Variants in PRPF40B observed in about 807,000 individuals in gnomAD.
PRPF40B encodes the protein pre-mRNA processing factor 40B.
PRPF40B carries 56 observed loss-of-function variants against 124.5 expected under a neutral mutation model. The observed-to-expected ratio is 0.45, with a 90% CI of 0.36 to 0.56. The LOEUF is 0.56. Among genes scored for constraint, PRPF40B ranks in the 20% least tolerant of loss-of-function variants. The pLI is 0.00. For synonymous variants in PRPF40B, 443 were observed against 426.4 expected (o/e 1.04, Z -0.48); for missense variants, 1,053 against 1,169.5 (o/e 0.90, Z 1.45).
At chr12:49,636,898 A>G (rs774865121) in intron 16 of PRPF40B, 49 bp downstream of exon 16, 2 of 1,610,612 alleles carry the variant, frequency 1.2e-6, no homozygotes, top group South Asian at 2.2e-5. Context: ...GCCCTAGAGC[A>G]CAACCTCTTC....
At position 49,642,311 on chromosome 12, in the gene PRPF40B, C is replaced by A; in HGVS notation, c.1961C>A (p.Ala654Asp). The A allele has an allele frequency of 1.2e-6, 2 of 1,614,188 alleles. No homozygotes were observed. The highest frequency in any genetic ancestry group is 2.2e-5 in the South Asian group (2 of 91,086). ...EARRMRRREA[A>D]FRSMLRQAVP... ...CGCAGGATGCGGCGCAGGGAAGCTG[C>A]CTTTCGAAGCATGCTGAGGCAGGCT... The change falls in exon 20 of 26, where the codon GCC (alanine) becomes GAC (aspartate). Residue 654 changes from alanine (A) to aspartate (D), a missense_variant. This residue lies in a region of PRPF40B where 895 missense variants were observed against 1,052.2 expected (regional missense o/e 0.85). Coordinates refer to ENST00000548825, the MANE Select transcript of PRPF40B (RefSeq NM_001031698.3). This position sits in a 1 kb window ranked among gnomAD's most constrained non-coding sequence, Gnocchi z 5.8.
Position 49,643,747 on chromosome 12 carries a change from A to G in PRPF40B, c.2437A>G (p.Lys813Glu), listed in dbSNP as rs1565855983. ...PKKKTKKRRH[K>E]SNSPESETDP... ...AAAGAAAACTAAGAAGAGAAGACAC[A>G]AGTCGGTGAGTGAAGGAACTTCTAC... Residue 813 changes from lysine (K) to glutamate (E), a missense_variant, in exon 24 of 26, where the codon AAG becomes GAG. Around this residue, in one of 2 missense-constraint regions of PRPF40B, gnomAD observed 895 missense variants for 1,052.2 expected, o/e 0.85. Coordinates refer to ENST00000548825, the MANE Select transcript of PRPF40B (RefSeq NM_001031698.3). 1 of 1,614,148 alleles carries G rather than the reference A, an allele frequency of 6.2e-7. No homozygotes were observed. The highest frequency in any genetic ancestry group is 1.7e-5 in the Admixed American group (1 of 60,022).
chr12:49,624,971 G>A (rs1377503508), intron 1 of PRPF40B, among the ~76,000 whole-genome samples: 1 of 152,182 alleles, frequency 6.6e-6, no homozygotes, highest in Non-Finnish European at 1.5e-5. Flanking sequence ...CGGAAGGGCA[G>A]GTGCTGTTTG....
chr12:49,630,705 AC>A, intron 2 of PRPF40B, 80 bp downstream of exon 2: 1 of 667,592 alleles, frequency 1.5e-6, no homozygotes, highest in Non-Finnish European at 2.7e-6. Context: ...CTGCTGCATC[AC>A]CAGCACAGTT....
rs1942787942 is a variant in PRPF40B at position 49,642,323 on chromosome 12, T to C, written c.1973T>C (p.Met658Thr). The change falls in exon 20 of 26, where the codon ATG becomes ACG. Residue 658 changes from methionine to threonine, a missense_variant. Met to Thr is a moderately conservative substitution (Grantham distance 81). Around this residue, in one of 2 missense-constraint regions of PRPF40B, gnomAD observed 895 missense variants for 1,052.2 expected, o/e 0.85. Coordinates refer to ENST00000548825, the MANE Select transcript of PRPF40B (RefSeq NM_001031698.3). The surrounding 1 kb of genome is among the most constrained non-coding windows in gnomAD (Gnocchi z 5.8). Reference sequence around the variant, plus strand: ...CGCAGGGAAGCTGCCTTTCGAAGCATGCTGAGGCAGGCTGTGCCTGCTCTG... The same window carrying C: ...CGCAGGGAAGCTGCCTTTCGAAGCACGCTGAGGCAGGCTGTGCCTGCTCTG... ...MRRREAAFRS[M>T]LRQAVPALEL... 6.2e-7 allele frequency: 1 copy of C among 1,614,100 alleles called. No individual in the cohort carries two copies. Among genetic ancestry groups the C allele is most frequent in the African/African-American group, 1.3e-5 (1 of 75,060 alleles).
intron 18 of PRPF40B, chr12:49,639,041 C>T (rs1413369491): frequency 6.6e-6 from 1 of 152,338 alleles, no homozygotes; most frequent in Non-Finnish European, 1.5e-5. Context: ...GAGGTATCCT[C>T]TCTTTCTCTG....
chr12:49,635,580 C>A lies in PRPF40B; in HGVS notation c.1275+107C>A. The A allele has an allele frequency of 8.8e-7, 1 of 1,142,852 alleles. No homozygotes were observed. Among genetic ancestry groups the A allele is most frequent in the East Asian group, 2.4e-5 (1 of 41,464 alleles). 70.8% of individuals were successfully genotyped at this position (1,142,852 alleles called of 1,614,324 possible). ...TTACTTCTCTACTTCCCCAGTGTCC[C>A]AGCTTCTGACTTGGAAGCTGGTATG... On this transcript the variant is annotated intron_variant, in intron 14 of 25. Transcript: ENST00000548825. The surrounding 1 kb of genome is among the most constrained non-coding windows in gnomAD (Gnocchi z 4.1).
intron 1 of PRPF40B, among the ~76,000 whole-genome samples, chr12:49,630,321 A>G (rs1200085610): frequency 1.3e-5 from 2 of 152,224 alleles, no homozygotes; most frequent in Non-Finnish European, 2.9e-5. Flanking sequence ...GATGACATTC[A>G]AGGGGCTCAG....
At position 49,643,267 on chromosome 12, in the gene PRPF40B, G is replaced by A; in HGVS notation, c.2250G>A (p.Arg750=). 6.2e-7 allele frequency: 1 copy of A among 1,614,014 alleles called. No individual in the cohort carries two copies. Among genetic ancestry groups the A allele is most frequent in the Non-Finnish European group, 8.5e-7 (1 of 1,179,996 alleles). ...AGGAGCTGCCCCCACCATCTCTCCG[G>A]CCCCCCAAGCGGAGGAGGCGGAACC... The part of the protein sequence containing the change: ...EEEELPPPSL[R]PPKRRRRNPS... The change falls in exon 23 of 26, where the codon CGG becomes CGA. Residue 750 remains arginine, a synonymous_variant. Transcript: ENST00000548825.
At chr12:49,644,072 A>T in intron 25 of PRPF40B, 28 bp from the exon 26 acceptor site, 1 of 1,614,204 alleles carries the variant, frequency 6.2e-7, no homozygotes, top group African/African-American at 1.3e-5. Context: ...GTGCAGGCTA[A>T]GGGTGAACTG....
In PRPF40B at chr12:49,630,562, TCCCCGGC is replaced by T; in HGVS notation, c.26_32del (p.Arg9GlnfsTer13). 2 of 1,397,328 alleles carry T rather than the reference TCCCCGGC, an allele frequency of 1.4e-6. No individual in the cohort carries two copies. The highest frequency in any genetic ancestry group is 2.0e-6 in the Non-Finnish European group (2 of 993,664). 86.6% of individuals were successfully genotyped at this position (1,397,328 alleles called of 1,614,324 possible). On this transcript the variant is annotated frameshift_variant, in exon 2 of 26. Coordinates refer to ENST00000548825, the MANE Select transcript of PRPF40B (RefSeq NM_001031698.3). LOFTEE classifies it high-confidence loss of function. ...CTCAACAGTCGGTTCCCGATTCTGG[TCCCCGGC>T]CCCCAGCAGCGCCTGCCCCCTTCCC...
Position 49,637,954 on chromosome 12 carries a change from T to C in PRPF40B, c.1767+130T>C, listed in dbSNP as rs796852530. ...TTCAGCAGATATCTACTGTGATCCTTTACTGCACACTAGGGATACAGTAAT... is the reference window on the plus strand; with the variant it reads ...TTCAGCAGATATCTACTGTGATCCTCTACTGCACACTAGGGATACAGTAAT... On this transcript the variant is annotated intron_variant, in intron 18 of 25. Transcript: ENST00000548825. 1.9e-5 allele frequency: 13 copies of C among 697,772 alleles called. No homozygotes were observed. In the African/African-American group the frequency reaches 2.1e-4, roughly 11 times the overall value. The allele number at this position is 697,772 out of a possible 1,614,324, so 43.2% of individuals were successfully genotyped here. A position where few individuals can be genotyped will look rare whatever the true frequency, so the allele number is the denominator to read the frequency against.
intron 12 of PRPF40B, 176 bp downstream of exon 12, chr12:49,634,778 A>G: frequency 1.4e-6 from 1 of 703,940 alleles, no homozygotes; most frequent in South Asian, 1.9e-5. Flanking sequence ...AGGAAAGGAA[A>G]GGTATCTGAC....
In PRPF40B at chr12:49,634,325, C is replaced by T. The variant is rs777646962; in HGVS notation, c.813-7C>T. The T allele has an allele frequency of 1.5e-5, 25 of 1,614,012 alleles. 1 individual carries two copies. The highest frequency in any genetic ancestry group is 1.8e-5 in the Non-Finnish European group (21 of 1,180,030). On this transcript the variant is annotated splice_polypyrimidine_tract_variant and splice_region_variant and intron_variant, in intron 10 of 25. Transcript: ENST00000548825. Reference sequence around the variant, plus strand: ...GACCCTGTGGCTGAGTCCCCTGTGCCCTCCAGTTCTGGACAGCATCAGCCA... The same window carrying T: ...GACCCTGTGGCTGAGTCCCCTGTGCTCTCCAGTTCTGGACAGCATCAGCCA...
In PRPF40B at chr12:49,642,020, A is replaced by G. The variant is rs763217658; in HGVS notation, c.1880A>G (p.Asn627Ser). The G allele has an allele frequency of 1.9e-6, 3 of 1,612,444 alleles. No individual in the cohort carries two copies. The highest frequency in any genetic ancestry group is 1.7e-5 in the Admixed American group (1 of 60,026). Residue 627 changes from asparagine (N) to serine (S), a missense_variant, in exon 19 of 26, where the codon AAT becomes AGT. Physicochemically the swap from Asn to Ser is conservative, Grantham distance 46. This residue lies in a region of PRPF40B where 895 missense variants were observed against 1,052.2 expected (regional missense o/e 0.85). Coordinates refer to ENST00000548825, the MANE Select transcript of PRPF40B (RefSeq NM_001031698.3). This position sits in a 1 kb window ranked among gnomAD's most constrained non-coding sequence, Gnocchi z 5.8. ...LDAGNIKLTFNSLLEKAEARE... is the reference protein window; with the variant it reads ...LDAGNIKLTFSSLLEKAEARE... ...GCAGGCAACATCAAGCTGACCTTCAATAGTGTGAGGGGCTGGGCGGGGCGT... is the reference window on the plus strand; with the variant it reads ...GCAGGCAACATCAAGCTGACCTTCAGTAGTGTGAGGGGCTGGGCGGGGCGT...
upstream of PRPF40B, chr12:49,623,449 C>A: frequency 2.2e-6 from 2 of 924,612 alleles, no homozygotes; most frequent in South Asian, 5.2e-5. Flanking sequence ...GGGCCCCGCT[C>A]GCCGGCGGGA....
At chr12:49,637,417 G>A in intron 16 of PRPF40B, 53 bp from the exon 17 acceptor site, 1 of 1,277,270 alleles carries the variant, frequency 7.8e-7, no homozygotes, top group Non-Finnish European at 1.1e-6. Flanking sequence ...CCCTCAGTCT[G>A]TGGCTCTGCC....
rs761723187 is a variant in PRPF40B at position 49,635,644 on chromosome 12, C to T, written c.1275+171C>T. ...TCATTTCTGCTCTGGGCCTATAGTC[C>T]TGGGTGTAGCAGGGAGGAGGAGTCT... On this transcript the variant is annotated intron_variant, in intron 14 of 25. Coordinates refer to ENST00000548825, the MANE Select transcript of PRPF40B (RefSeq NM_001031698.3). This position sits in a 1 kb window ranked among gnomAD's most constrained non-coding sequence, Gnocchi z 4.1. 7.2e-5 allele frequency among the ~76,000 whole-genome samples: 11 copies of T among 152,072 alleles called. No individual in the cohort carries two copies. The highest frequency in any genetic ancestry group is 1.3e-4 in the Non-Finnish European group (9 of 68,010).
intron 12 of PRPF40B, 160 bp from the exon 13 acceptor site, chr12:49,634,938 TC>T (rs1565833711): frequency 1.3e-6 from 1 of 780,148 alleles, no homozygotes; most frequent in East Asian, 2.7e-5. Flanking sequence ...TCCCCTCACT[TC>T]CTGTCACCCC....
Sources: gnomAD v4.1 joint callset for allele counts (sites outside exome capture counted in the v4.1 genomes callset) on GRCh38, gnomAD v4.1.1 for gene constraint, gnomAD v4.1.1 regional missense constraint, Gnocchi (gnomAD v3.1) non-coding constraint, MANE v1.5 for transcripts, NCBI Gene and HGNC (gene_info 2026-07-23, HGNC 2026-07-21) for gene names.